MED23: variants seen among roughly 807,000 people sequenced by gnomAD.
MED23 encodes the protein mediator of RNA polymerase II transcription subunit 23.
MED23 carries 105 observed loss-of-function variants against 163.9 expected under a neutral mutation model. The ratio of observed to expected loss-of-function variants is 0.64; its 90% CI spans 0.55 to 0.75. The LOEUF is 0.75. MED23 is among the 30% of genes least tolerant of loss of function. The probability of loss-of-function intolerance (pLI) is 0.00; values close to 1 mark genes in which losing one functional copy is unlikely to be tolerated. For synonymous variants in MED23, 561 were observed against 565.6 expected (o/e 0.99, Z 0.12); for missense variants, 1,054 against 1,649.0 (o/e 0.64, Z 6.25).
chr6:131,605,636 G>A, intron 13 of MED23, 151 bp from the exon 14 acceptor site: 3 of 734,346 alleles, frequency 4.1e-6, no homozygotes, highest in Non-Finnish European at 4.2e-6. Context: ...AATGTACAGT[G>A]GGAATACACA....
chr6:131,600,016 A>G (rs1157991150), intron 18 of MED23, 22 bp downstream of exon 18: 2 of 1,613,562 alleles, frequency 1.2e-6, no homozygotes, highest in African/African-American at 2.7e-5. Context: ...TGCATTCAAT[A>G]AGTAATTCAA....
chr6:131,616,164 A>G (rs1776674178), intron 9 of MED23, among the ~76,000 whole-genome samples, 162 bp from the exon 10 acceptor site: 1 of 152,136 alleles, frequency 6.6e-6, no homozygotes, highest in Non-Finnish European at 1.5e-5. Flanking sequence ...CTTACAGTTC[A>G]TCTGTTCCCA....
Position 131,598,272 on chromosome 6 carries a change from T to C in MED23, c.2607+15A>G. The C allele has an allele frequency of 6.2e-7, 1 of 1,606,412 alleles. No individual in the cohort carries two copies. The highest frequency in any genetic ancestry group is 1.1e-5 in the South Asian group (1 of 90,900). On this transcript the variant is annotated intron_variant, in intron 20 of 28. Coordinates refer to ENST00000368068, the MANE Select transcript of MED23 (RefSeq NM_004830.4). The surrounding 1 kb of genome is among the most constrained non-coding windows in gnomAD (Gnocchi z 4.7). ...TGATCTAAGAGAATAAGCTTAGAAA[T>C]GTATTTATTCTTACCAGGCAGAGAA... is the stretch of plus-strand genomic sequence containing the variant.
Position 131,594,295 on chromosome 6 carries a change from A to G in MED23, c.3036T>C (p.Tyr1012=), listed in dbSNP as rs1774876410. ...VTYLYNTLHY[Y]EMHLRDRAFL... is the part of the protein sequence containing the mutation. Reference sequence around the variant, plus strand: ...ATGCGCGGTCTCTCAGGTGCATTTCATAATAGTGCAGAGTGTTATACAGAT... The same window carrying G: ...ATGCGCGGTCTCTCAGGTGCATTTCGTAATAGTGCAGAGTGTTATACAGAT... The change falls in exon 23 of 29, where the codon TAT becomes TAC. Residue 1012 remains tyrosine, a synonymous_variant. Transcript: ENST00000368068. The G allele has an allele frequency of 1.2e-6, 2 of 1,614,160 alleles. No homozygotes were observed. The highest frequency in any genetic ancestry group is 1.7e-6 in the Non-Finnish European group (2 of 1,179,978).
At chr6:131,621,786 T>A (rs914957089) in intron 6 of MED23, 95 bp downstream of exon 6, 2 of 637,890 alleles carry the variant, frequency 3.1e-6, no homozygotes, top group African/African-American at 3.7e-5. Flanking sequence ...AAATAGAGCA[T>A]CTCACAAAAT....
chr6:131,592,375 A>G lies in MED23; in HGVS notation c.3471+13T>C, dbSNP rs764876520. ...ATTTCATCACTAAGTACAAATCACA[A>G]TTATTAACTCACTGGTAGGGCAGTG... On this transcript the variant is annotated intron_variant, in intron 25 of 28. Transcript: ENST00000368068. 1.9e-6 allele frequency: 3 copies of G among 1,611,632 alleles called. No homozygotes were observed. Among genetic ancestry groups the G allele is most frequent in the Admixed American group, 3.3e-5 (2 of 60,018 alleles).
rs767764329 is a variant in MED23, at chr6:131,628,013, C to A, written c.37G>T (p.Val13Leu). 6.7e-5 allele frequency: 108 copies of A among 1,614,088 alleles called. No individual in the cohort carries two copies. Among genetic ancestry groups the A allele is most frequent in the Non-Finnish European group, 8.5e-5 (100 of 1,180,036 alleles). The part of the protein sequence containing the change: ...TQLQSIFEEV[V>L]KTEVIEEAFP... ...GGATGGCCGGCAGCTGCACTCACCA[C>A]CACCTCTTCGAAAATGCTCTGCAGT... is the stretch of plus-strand genomic sequence containing the variant. Residue 13 changes from valine to leucine, a missense_variant and splice_region_variant, in exon 1 of 29, where the codon GTG becomes TTG. By Grantham distance (32) the Val-to-Leu change is conservative. Transcript: ENST00000368068.
At chr6:131,582,608 A>T (rs1448074178), downstream of MED23, 3 of 1,604,744 alleles carry the variant, frequency 1.9e-6, no homozygotes, top group Non-Finnish European at 2.6e-6. Context: ...AAGTGAAAAC[A>T]TTGTAATTTT....
intron 11 of MED23, among the ~76,000 whole-genome samples, chr6:131,609,836 T>C (rs962649603): frequency 6.6e-6 from 1 of 151,350 alleles, no homozygotes; most frequent in East Asian, 1.9e-4. Context: ...TGCTGGTGCC[T>C]GCACTGAGAA....
chr6:131,584,091 T>A, downstream of MED23: 3 of 705,768 alleles, frequency 4.3e-6, no homozygotes, highest in Non-Finnish European at 4.5e-6. Context: ...CTAACTTTTT[T>A]GAAATTTAAA....
chr6:131,574,331 G>T, intron 30 of MED23: 1 of 1,613,488 alleles, frequency 6.2e-7, no homozygotes. Context: ...GAGGTTAGAG[G>T]CCCAAACTGC....
chr6:131,599,221 C>G (rs1204038070), intron 18 of MED23, among the ~76,000 whole-genome samples: 1 of 152,194 alleles, frequency 6.6e-6, no homozygotes. Flanking sequence ...TTTACTGAAT[C>G]AGAAGCTCTG....
At chr6:131,573,994 T>G in exon 31 of MED23, 1 of 461,822 alleles carries the variant, frequency 2.2e-6, no homozygotes, top group Non-Finnish European at 3.9e-6. Flanking sequence ...TTTTAATGGA[T>G]TTATGAAACC....
At chr6:131,623,545 T>C in intron 4 of MED23, 83 bp from the exon 5 acceptor site, 1 of 1,045,256 alleles carries the variant, frequency 9.6e-7, no homozygotes, top group South Asian at 1.3e-5. Context: ...TTTGGCTGTG[T>C]ACTCACACAA....
At position 131,603,731 on chromosome 6, in the gene MED23, T is replaced by A. The variant is rs1362924262; in HGVS notation, c.1756+447A>T. ...AAAAACACTTCTATATCAGAAAGTA[T>A]CTATTATTTTAGAACTATATAATAA... On this transcript the variant is annotated intron_variant, in intron 15 of 28. Transcript: ENST00000368068. Among the ~76,000 whole-genome samples, 16 of 152,092 alleles carry A rather than the reference T, an allele frequency of 1.1e-4. No individual in the cohort carries two copies. In the East Asian group the frequency reaches 3.1e-3, roughly 29 times the overall value.
At chr6:131,596,286 T>C (rs1329618844) in intron 21 of MED23, 123 bp from the exon 22 acceptor site, 18 of 963,062 alleles carry the variant, frequency 1.9e-5, no homozygotes, top group South Asian at 5.8e-5. Context: ...TTATACTTGA[T>C]TATACTTTAC....
Position 131,598,623 on chromosome 6 carries a change from G to T in MED23, c.2359C>A (p.Pro787Thr). Residue 787 changes from proline to threonine, a missense_variant, in exon 19 of 29, where the codon CCT becomes ACT. Pro to Thr is a conservative substitution (Grantham distance 38). This residue lies in a region of MED23 where 228 missense variants were observed against 461.3 expected (regional missense o/e 0.49). Transcript: ENST00000368068. The surrounding 1 kb of genome is among the most constrained non-coding windows in gnomAD (Gnocchi z 4.7). ...ITHFSMQGSP[P>T]LFLCLLWKML... ...TTCCAGAGAAGACAAAGAAAGAGAG[G>T]AGGGGAGCCCTGCATAGAGAAGTGG... is the stretch of plus-strand genomic sequence containing the variant. 1 of 1,614,118 alleles carries T rather than the reference G, an allele frequency of 6.2e-7. No homozygotes were observed. Among genetic ancestry groups the T allele is most frequent in the Non-Finnish European group, 8.5e-7 (1 of 1,180,008 alleles).
In MED23 at chr6:131,594,217, T is replaced by G. The variant is rs1208388084; in HGVS notation, c.3114A>C (p.Arg1038=). 3 of 1,614,056 alleles carry G rather than the reference T, an allele frequency of 1.9e-6. No individual in the cohort carries two copies. In the Admixed American group the frequency reaches 5.0e-5, roughly 27 times the overall value. Residue 1038 remains arginine (R), a synonymous_variant, in exon 23 of 29, where the codon CGA becomes CGC. Coordinates refer to ENST00000368068, the MANE Select transcript of MED23 (RefSeq NM_004830.4). ...HAIIGSLKDN[R]PQGWCLSDTY... Reference sequence around the variant, plus strand: ...TGTCACTTAGACACCAGCCCTGCGGTCGATTATCCTTCAGAGAGCCAATGA... The same window carrying G: ...TGTCACTTAGACACCAGCCCTGCGGGCGATTATCCTTCAGAGAGCCAATGA...
At chr6:131,583,198 G>A (rs1162777923), downstream of MED23, 1 of 1,602,000 alleles carries the variant, frequency 6.2e-7, no homozygotes, top group East Asian at 2.2e-5. Context: ...ACATGTGTGT[G>A]CAACAGAAAA....
Sources: gnomAD v4.1 joint callset for allele counts (sites outside exome capture counted in the v4.1 genomes callset) on GRCh38, gnomAD v4.1.1 for gene constraint, gnomAD v4.1.1 regional missense constraint, Gnocchi (gnomAD v3.1) non-coding constraint, MANE v1.5 for transcripts, NCBI Gene and HGNC (gene_info 2026-07-23, HGNC 2026-07-21) for gene names.